LUZP2: variants seen among roughly 807,000 people sequenced by gnomAD.
LUZP2 encodes the protein leucine zipper protein 2.
Under a neutral mutation model 51.6 loss-of-function variants are expected in LUZP2, and 52 were observed. The ratio of observed to expected loss-of-function variants is 1.01; its 90% CI spans 0.81 to 1.27. The LOEUF (loss-of-function observed/expected upper bound fraction) is 1.27, where lower values mean the gene tolerates loss of function less well. Ranked by LOEUF, LUZP2 falls within the 50% of genes most tolerant of loss-of-function variation. The pLI is 0.00. For missense variants in LUZP2, 436 were observed against 395.4 expected (o/e 1.10, Z -0.87); for synonymous variants, 154 against 137.3 (o/e 1.12, Z -0.85).
intron 5 of LUZP2, among the ~76,000 whole-genome samples, chr11:24,767,770 G>C (rs12280401): frequency 0.08 from 12,201 of 152,082 alleles, 1,060 homozygotes; most frequent in African/African-American, 0.22. Flanking sequence ...TTTTGTGTTT[G>C]AATATTGTTT....
chr11:24,775,563 G>A (rs1217779873), intron 5 of LUZP2, among the ~76,000 whole-genome samples: 3 of 152,162 alleles, frequency 2.0e-5, no homozygotes, highest in African/African-American at 7.2e-5. Context: ...AGGTAAGTCA[G>A]GGTGGCTGTC....
At chr11:24,510,553 G>C (rs1331105179) in intron 1 of LUZP2, among the ~76,000 whole-genome samples, 1 of 152,106 alleles carries the variant, frequency 6.6e-6, no homozygotes, top group Non-Finnish European at 1.5e-5. Context: ...AGGAAATCCA[G>C]GGCTGGCTGG....
chr11:24,918,054 C>T (rs1037790848), intron 7 of LUZP2, among the ~76,000 whole-genome samples: 2 of 151,874 alleles, frequency 1.3e-5, no homozygotes, highest in African/African-American at 4.8e-5. Flanking sequence ...CCTTCACATC[C>T]CTTGTAAGTT....
At chr11:25,037,377 A>G (rs1411028955) in intron 9 of LUZP2, among the ~76,000 whole-genome samples, 4 of 152,146 alleles carry the variant, frequency 2.6e-5, no homozygotes, top group African/African-American at 9.6e-5. Flanking sequence ...TCCTGAAGAC[A>G]ACAAATGATT....
At chr11:24,806,980 A>T (rs1362787105) in intron 5 of LUZP2, among the ~76,000 whole-genome samples, 1 of 144,456 alleles carries the variant, frequency 6.9e-6, no homozygotes, top group African/African-American at 2.5e-5. Context: ...TAATCACATC[A>T]GTGGGCAAAC....
intron 7 of LUZP2, among the ~76,000 whole-genome samples, chr11:24,921,510 C>G (rs1854053128): frequency 6.6e-6 from 1 of 152,106 alleles, no homozygotes. Context: ...TTAGGTGGAC[C>G]TACTTTCTAA....
At chr11:24,995,945 T>A (rs1018127206) in intron 9 of LUZP2, among the ~76,000 whole-genome samples, 14 of 151,784 alleles carry the variant, frequency 9.2e-5, no homozygotes, top group African/African-American at 2.2e-4. Flanking sequence ...CATTACTTAT[T>A]ATTTAAAAAT....
chr11:24,989,769 A>T (rs1233151191), intron 9 of LUZP2, among the ~76,000 whole-genome samples: 2 of 152,170 alleles, frequency 1.3e-5, no homozygotes. Context: ...CATTTGTTCA[A>T]GTCACTAAGC....
intron 9 of LUZP2, among the ~76,000 whole-genome samples, chr11:25,028,708 C>A (rs1272762521): frequency 2.7e-5 from 4 of 147,894 alleles, no homozygotes; most frequent in African/African-American, 9.9e-5. Flanking sequence ...TTTTTACTTT[C>A]TTTCCATTTT....
In LUZP2 at chr11:25,024,675, G is replaced by T. The variant is rs543676122; in HGVS notation, c.766-25363G>T. On this transcript the variant is annotated intron_variant, in intron 9 of 11. Coordinates refer to ENST00000336930, the MANE Select transcript of LUZP2 (RefSeq NM_001009909.4). ...ACAAACAAATGGAAGAACATTCCAT[G>T]CTCATGGATAGGAAGAATCAATATT... is the stretch of plus-strand genomic sequence containing the variant. Among the ~76,000 whole-genome samples, 104 of 152,210 alleles carry T rather than the reference G, an allele frequency of 6.8e-4. 1 individual carries two copies. The highest frequency in any genetic ancestry group is 2.4e-3 in the African/African-American group (101 of 41,524).
chr11:24,659,062 C>T (rs972489009), intron 1 of LUZP2, among the ~76,000 whole-genome samples: 15 of 152,158 alleles, frequency 9.9e-5, no homozygotes, highest in Admixed American at 3.3e-4. Flanking sequence ...CCAGCCATCC[C>T]ATTACTGGGT....
At chr11:25,077,657 G>C (rs374198128) in intron 11 of LUZP2, among the ~76,000 whole-genome samples, 3 of 151,390 alleles carry the variant, frequency 2.0e-5, no homozygotes, top group African/African-American at 7.3e-5. Flanking sequence ...CCACCACCAC[G>C]CCCAAATTTT....
At chr11:24,849,625 C>T (rs1851323654) in intron 5 of LUZP2, among the ~76,000 whole-genome samples, 1 of 152,108 alleles carries the variant, frequency 6.6e-6, no homozygotes, top group African/African-American at 2.4e-5. Flanking sequence ...ATTTATCATC[C>T]TTTGGGTATG....
intron 1 of LUZP2, among the ~76,000 whole-genome samples, chr11:24,533,348 A>G (rs1851072832): frequency 6.6e-6 from 1 of 151,276 alleles, no homozygotes; most frequent in East Asian, 1.9e-4. Context: ...TGTACTAAAG[A>G]GTTATATCCT....
At chr11:25,062,613 A>AAAG (rs10676930) in intron 10 of LUZP2, among the ~76,000 whole-genome samples, 6 of 147,188 alleles carry the variant, frequency 4.1e-5, no homozygotes, top group Middle Eastern at 3.5e-3. Flanking sequence ...AAAAAAAAAA[A>AAAG]GAAAGGAAAG....
chr11:24,833,519 A>G (rs1850759725), intron 5 of LUZP2, among the ~76,000 whole-genome samples: 1 of 152,082 alleles, frequency 6.6e-6, no homozygotes, highest in Non-Finnish European at 1.5e-5. Flanking sequence ...ACCCAGGGAG[A>G]GATCTTTAGC....
At chr11:24,756,472 G>A (rs1405571730) in intron 4 of LUZP2, among the ~76,000 whole-genome samples, 1 of 152,190 alleles carries the variant, frequency 6.6e-6, no homozygotes, top group Admixed American at 6.5e-5. Context: ...ACCAAATGCA[G>A]CATAACTGCA....
At chr11:24,690,815 T>A (rs972927662) in intron 1 of LUZP2, among the ~76,000 whole-genome samples, 4 of 152,032 alleles carry the variant, frequency 2.6e-5, no homozygotes, top group African/African-American at 9.7e-5. Flanking sequence ...CTGAACATGT[T>A]CTAGATGCTG....
intron 9 of LUZP2, among the ~76,000 whole-genome samples, chr11:25,042,333 T>C (rs1481482472): frequency 6.6e-6 from 1 of 152,138 alleles, no homozygotes; most frequent in African/African-American, 2.4e-5. Flanking sequence ...AACAGTTAAT[T>C]TAATTGAAGT....
Sources: gnomAD v4.1 joint callset for allele counts (sites outside exome capture counted in the v4.1 genomes callset) on GRCh38, gnomAD v4.1.1 for gene constraint, MANE v1.5 for transcripts, NCBI Gene and HGNC (gene_info 2026-07-23, HGNC 2026-07-21) for gene names.